Variants in DPP10 observed in about 807,000 individuals in gnomAD.
The protein encoded by DPP10 is dipeptidyl peptidase like 10.
Under a neutral mutation model 120.9 loss-of-function variants are expected in DPP10, and 33 were observed. The ratio of observed to expected loss-of-function variants is 0.27; its 90% confidence interval spans 0.21 to 0.37. The LOEUF is 0.37. DPP10 is among the 10% of genes least tolerant of loss of function. The pLI is 1.00. For missense variants in DPP10, 816 were observed against 942.8 expected, an observed-to-expected ratio of 0.87 and a Z score of 1.76; for synonymous variants, 337 against 326.1, an observed-to-expected ratio of 1.03 and a Z score of -0.36.
intron 1 of DPP10, among the ~76,000 whole-genome samples, chr2:114,699,137 G>A (rs1334838635): frequency 1.3e-5 from 2 of 152,072 alleles, no homozygotes; most frequent in African/African-American, 2.4e-5. Context: ...ATTAAATGGT[G>A]ATAATCTAAA....
intron 1 of DPP10, among the ~76,000 whole-genome samples, chr2:114,524,899 C>A (rs1685367999): frequency 6.6e-6 from 1 of 152,188 alleles, no homozygotes; most frequent in Non-Finnish European, 1.5e-5. Context: ...CCCATTCCTT[C>A]TTCCTCTGGA....
At chr2:115,594,843 A>G (rs1363532151) in intron 5 of DPP10, among the ~76,000 whole-genome samples, 1 of 152,172 alleles carries the variant, frequency 6.6e-6, no homozygotes, top group African/African-American at 2.4e-5. Context: ...TTATCATAAT[A>G]GATATAATTA....
At chr2:114,685,472 C>T (rs1011098587) in intron 1 of DPP10, among the ~76,000 whole-genome samples, 2 of 152,062 alleles carry the variant, frequency 1.3e-5, no homozygotes, top group African/African-American at 4.8e-5. Flanking sequence ...AGGGAACTAA[C>T]GGCGTCCATT....
At chr2:114,508,463 G>A (rs753080099) in intron 1 of DPP10, among the ~76,000 whole-genome samples, 6 of 152,164 alleles carry the variant, frequency 3.9e-5, no homozygotes, top group Non-Finnish European at 7.4e-5. Context: ...TTCATGGTAT[G>A]AATATATCAC....
chr2:115,415,877 GCA>G (rs371038286), intron 3 of DPP10, among the ~76,000 whole-genome samples: 6,633 of 48,162 alleles, frequency 0.14, 252 homozygotes, highest in African/African-American at 0.22. Context: ...ATATATATAT[GCA>G]CACACACACA....
At chr2:114,584,962 A>C (rs2105112579) in intron 1 of DPP10, among the ~76,000 whole-genome samples, 1 of 152,316 alleles carries the variant, frequency 6.6e-6, no homozygotes, top group African/African-American at 2.4e-5. Flanking sequence ...CTGGGCTGTG[A>C]AGAAAAATTA....
intron 3 of DPP10, among the ~76,000 whole-genome samples, chr2:115,484,003 A>T (rs2075610391): frequency 6.6e-6 from 1 of 152,064 alleles, no homozygotes; most frequent in East Asian, 1.9e-4. Context: ...TTTCAGACAA[A>T]ATCATTTTTC....
At chr2:114,779,489 A>T (rs1183334178) in intron 1 of DPP10, among the ~76,000 whole-genome samples, 1 of 152,160 alleles carries the variant, frequency 6.6e-6, no homozygotes, top group African/African-American at 2.4e-5. Flanking sequence ...CAGAGGACCT[A>T]TTCCCGTCAT....
intron 5 of DPP10, among the ~76,000 whole-genome samples, chr2:115,633,773 T>A (rs1360011298): frequency 6.6e-6 from 1 of 152,148 alleles, no homozygotes; most frequent in Non-Finnish European, 1.5e-5. Context: ...GGGTTGATCT[T>A]CTCATGGAGT....
chr2:115,727,036 T>G (rs1436214215), intron 7 of DPP10, among the ~76,000 whole-genome samples: 1 of 152,162 alleles, frequency 6.6e-6, no homozygotes, highest in African/African-American at 2.4e-5. Flanking sequence ...TATTTGGCAT[T>G]GAAGACATTG....
intron 1 of DPP10, among the ~76,000 whole-genome samples, chr2:114,904,395 G>A (rs544249822): frequency 6.6e-6 from 1 of 152,200 alleles, no homozygotes; most frequent in African/African-American, 2.4e-5. Context: ...AACTGGCAAG[G>A]ATTGAAATCA....
chr2:114,955,008 GT>G (rs1698094659), intron 1 of DPP10, among the ~76,000 whole-genome samples: 1 of 152,206 alleles, frequency 6.6e-6, no homozygotes, highest in Non-Finnish European at 1.5e-5. Flanking sequence ...AAATGGCTTT[GT>G]TACAGGAATA....
At chr2:115,064,566 C>T (rs1464764861) in intron 1 of DPP10, 9 of 1,044,382 alleles carry the variant, frequency 8.6e-6, no homozygotes, top group South Asian at 1.6e-5. Context: ...ACCACCCACC[C>T]CTACACACAC....
intron 5 of DPP10, among the ~76,000 whole-genome samples, chr2:115,548,268 T>C (rs2079635569): frequency 6.6e-6 from 1 of 152,150 alleles, no homozygotes; most frequent in Non-Finnish European, 1.5e-5. Context: ...TAGATCCTTC[T>C]TACCAACCAG....
chr2:115,608,666 A>G (rs2083876913), intron 5 of DPP10, among the ~76,000 whole-genome samples: 1 of 152,192 alleles, frequency 6.6e-6, no homozygotes. Flanking sequence ...TCTTTCTTAA[A>G]TATTAATGGA....
intron 1 of DPP10, among the ~76,000 whole-genome samples, chr2:114,973,616 C>A (rs1699541204): frequency 7.8e-6 from 1 of 128,764 alleles, no homozygotes; most frequent in Non-Finnish European, 1.6e-5. Flanking sequence ...GAGCCGAGAT[C>A]GAGCCACTGC....
intron 12 of DPP10, among the ~76,000 whole-genome samples, chr2:115,765,985 C>G (rs1241706354): frequency 2.0e-5 from 3 of 151,962 alleles, no homozygotes; most frequent in African/African-American, 7.3e-5. Flanking sequence ...TAAAATCAAA[C>G]TGTTCAGTAT....
chr2:115,431,541 C>T (rs911714550), intron 3 of DPP10, among the ~76,000 whole-genome samples: 1 of 152,090 alleles, frequency 6.6e-6, no homozygotes, highest in African/African-American at 2.4e-5. Flanking sequence ...AGCCAATGAT[C>T]TCTGAGTGGG....
rs190097180 is a variant in DPP10 at position 115,149,226 on chromosome 2, T to C, written c.61-160013T>C. ...ACTGAATCTTTCATCAGGAGGCAAATTGATGCTCAACGGCAGTTGGTTATT... is the reference window on the plus strand; with the variant it reads ...ACTGAATCTTTCATCAGGAGGCAAACTGATGCTCAACGGCAGTTGGTTATT... On this transcript the variant is annotated intron_variant, in intron 1 of 25. Transcript: ENST00000410059. 1.4e-3 allele frequency among the ~76,000 whole-genome samples: 211 copies of C among 152,310 alleles called. 2 individuals are homozygous for C. The highest frequency in any genetic ancestry group is 4.8e-3 in the African/African-American group (199 of 41,582).
Sources: gnomAD v4.1 joint callset for allele counts (sites outside exome capture counted in the v4.1 genomes callset) on GRCh38, gnomAD v4.1.1 for gene constraint, MANE v1.5 for transcripts, NCBI Gene and HGNC (gene_info 2026-07-23, HGNC 2026-07-21) for gene names.